SEL1L2: variants seen among roughly 807,000 people sequenced by gnomAD.
SEL1L2 encodes the protein protein sel-1 homolog 2.
Under a neutral mutation model 98.8 loss-of-function variants are expected in SEL1L2, and 89 were observed. The observed-to-expected ratio is 0.90, with a 90% CI of 0.76 to 1.07. The LOEUF (loss-of-function observed/expected upper bound fraction) is 1.07, where lower values mean the gene tolerates loss of function less well. Ranked by LOEUF, SEL1L2 falls within the 50% of genes least tolerant of loss-of-function variation. SEL1L2 has a pLI of 0.00. For missense variants in SEL1L2, 788 were observed against 812.0 expected (o/e 0.97, Z 0.36); for synonymous variants, 262 against 278.5 (o/e 0.94, Z 0.59).
intron 5 of SEL1L2, among the ~76,000 whole-genome samples, chr20:13,890,979 G>T (rs1393779223): frequency 1.3e-5 from 2 of 151,990 alleles, no homozygotes; most frequent in African/African-American, 4.8e-5. Context: ...AAAGAAAAAG[G>T]AATGAAGAAA....
chr20:13,955,971 A>T, intron 2 of SEL1L2, 105 bp downstream of exon 2: 1 of 671,924 alleles, frequency 1.5e-6, no homozygotes, highest in South Asian at 1.7e-5. Flanking sequence ...TTGAGAATTA[A>T]AAAAAAAAGA....
intron 1 of SEL1L2, 152 bp downstream of exon 1, chr20:13,990,325 T>G (rs2052479614): frequency 4.6e-6 from 3 of 647,170 alleles, no homozygotes; most frequent in Admixed American, 2.9e-5. Context: ...TCTATTATTC[T>G]TATTGGACAT....
chr20:13,949,648 G>A (rs550814968), intron 2 of SEL1L2, among the ~76,000 whole-genome samples: 2 of 151,800 alleles, frequency 1.3e-5, no homozygotes, highest in South Asian at 4.2e-4. Context: ...GGGCAACAGA[G>A]TGAGACTCTG....
chr20:13,986,708 A>G (rs1036672695), intron 1 of SEL1L2, among the ~76,000 whole-genome samples: 2 of 152,234 alleles, frequency 1.3e-5, no homozygotes, highest in African/African-American at 4.8e-5. Flanking sequence ...TAATGCTTCT[A>G]TAAATATTTG....
intron 17 of SEL1L2, among the ~76,000 whole-genome samples, chr20:13,860,130 C>A (rs185575232): frequency 5.3e-5 from 8 of 152,326 alleles, no homozygotes; most frequent in African/African-American, 1.9e-4. Context: ...TGCTCTCCTG[C>A]GTCAACAGTG....
intron 3 of SEL1L2, among the ~76,000 whole-genome samples, chr20:13,922,803 T>G (rs2048721971): frequency 6.6e-6 from 1 of 152,228 alleles, no homozygotes. Context: ...TTTCCTTTTA[T>G]TTTTCTAGAT....
chr20:13,885,480 A>G, intron 9 of SEL1L2, 77 bp from the exon 10 acceptor site: 7 of 954,608 alleles, frequency 7.3e-6, no homozygotes, highest in Non-Finnish European at 3.4e-6. Flanking sequence ...TGGTGATTTT[A>G]CTTTAGTATG....
At chr20:13,952,096 T>A (rs1044654096) in intron 2 of SEL1L2, among the ~76,000 whole-genome samples, 2 of 152,112 alleles carry the variant, frequency 1.3e-5, no homozygotes, top group African/African-American at 4.8e-5. Flanking sequence ...AGCCACCAGT[T>A]ATTTGGGCAT....
intron 18 of SEL1L2, among the ~76,000 whole-genome samples, chr20:13,853,835 A>G (rs1988709459): frequency 6.6e-6 from 1 of 152,216 alleles, no homozygotes; most frequent in South Asian, 2.1e-4. Context: ...ACAATAACGT[A>G]TATAACATGG....
At chr20:13,876,902 C>T (rs566368529) in intron 11 of SEL1L2, among the ~76,000 whole-genome samples, 36 of 152,228 alleles carry the variant, frequency 2.4e-4, no homozygotes, top group Non-Finnish European at 4.7e-4. Context: ...CAGCTCACTG[C>T]ACCCTCTGCC....
intron 10 of SEL1L2, among the ~76,000 whole-genome samples, chr20:13,883,141 G>C (rs1402341114): frequency 6.6e-6 from 1 of 151,980 alleles, no homozygotes; most frequent in African/African-American, 2.4e-5. Context: ...TAAAGTTTGA[G>C]ATTTCAACTG....
chr20:13,918,111 T>C (rs188229751), intron 4 of SEL1L2, among the ~76,000 whole-genome samples: 162 of 152,278 alleles, frequency 1.1e-3, no homozygotes, highest in South Asian at 9.5e-3. Context: ...CTTTCTATTA[T>C]TGGTTCAAAA....
rs568049752 is a variant in SEL1L2 at position 13,964,446 on chromosome 20, C to CTT, written c.59-8316_59-8315insAA. Among the ~76,000 whole-genome samples the CTT allele has an allele frequency of 7.5e-3, 789 of 105,290 alleles. 21 individuals are homozygous for CTT. Among genetic ancestry groups the CTT allele is most frequent in the Middle Eastern group, 0.019 (3 of 160 alleles). 69.1% of individuals were successfully genotyped at this position (105,290 alleles called of 152,430 possible). On this transcript the variant is annotated intron_variant, in intron 1 of 19. Coordinates refer to ENST00000284951, the MANE Select transcript of SEL1L2 (RefSeq NM_025229.2). ...TGTGCTCTGCTATCTGCTATCTCTT[C>CTT]ATTTTTTTTTTTTTTTTTTTTCTGA...
At chr20:13,916,673 G>A (rs2048416751) in intron 4 of SEL1L2, among the ~76,000 whole-genome samples, 2 of 152,154 alleles carry the variant, frequency 1.3e-5, no homozygotes, top group South Asian at 4.1e-4. Flanking sequence ...GGGTGTGGTG[G>A]TGGGCACCTG....
chr20:13,925,397 G>A (rs1188291581), intron 3 of SEL1L2, among the ~76,000 whole-genome samples: 1 of 152,160 alleles, frequency 6.6e-6, no homozygotes, highest in African/African-American at 2.4e-5. Flanking sequence ...ATCTGTATGA[G>A]GGTCAGGGCT....
At position 13,859,420 on chromosome 20, in the gene SEL1L2, T is replaced by C. The variant is rs752358728; in HGVS notation, c.1660A>G (p.Arg554Gly). ...RAAIQGNAFA[R>G]VKIGDYHYYG... Reference sequence around the variant, plus strand: ...TAATGGTAATCTCCAATTTTTACTCTAGCAAATGCATTGCCTGATAGAAAT... The same window carrying C: ...TAATGGTAATCTCCAATTTTTACTCCAGCAAATGCATTGCCTGATAGAAAT... The change falls in exon 18 of 20, where the codon AGA (arginine) becomes GGA (glycine). Residue 554 changes from arginine (R) to glycine (G), a missense_variant. By Grantham distance (125) the Arg-to-Gly change is moderately radical (BLOSUM62 -2). Coordinates refer to ENST00000284951, the MANE Select transcript of SEL1L2 (RefSeq NM_025229.2). The C allele has an allele frequency of 3.7e-6, 6 of 1,613,370 alleles. No individual in the cohort carries two copies. Among genetic ancestry groups the C allele is most frequent in the Non-Finnish European group, 5.1e-6 (6 of 1,179,368 alleles).
Position 13,865,526 on chromosome 20 carries a change from A to G in SEL1L2, c.1405-12T>C. ...ACACCTTTATAAAGCTGTACATGAG[A>G]GGAGAAATCAAGGAGACTAGTTAGC... On this transcript the variant is annotated splice_polypyrimidine_tract_variant and intron_variant, in intron 15 of 19. Transcript: ENST00000284951. 6.2e-7 allele frequency: 1 copy of G among 1,606,162 alleles called. No individual in the cohort carries two copies. The highest frequency in any genetic ancestry group is 8.5e-7 in the Non-Finnish European group (1 of 1,176,654).
intron 5 of SEL1L2, among the ~76,000 whole-genome samples, chr20:13,906,352 T>G (rs2047930769): frequency 6.6e-6 from 1 of 152,208 alleles, no homozygotes; most frequent in Non-Finnish European, 1.5e-5. Context: ...CTCCTTCTAC[T>G]TTTTATATAA....
At chr20:13,970,184 G>A (rs530138292) in intron 1 of SEL1L2, among the ~76,000 whole-genome samples, 2 of 152,222 alleles carry the variant, frequency 1.3e-5, no homozygotes, top group South Asian at 4.1e-4. Context: ...AGAAAACTTA[G>A]AGTCAAAGAA....
Sources: allele counts gnomAD v4.1 joint callset (sites outside exome capture counted in the v4.1 genomes callset), GRCh38; gene constraint gnomAD v4.1.1; transcripts MANE v1.5; gene names NCBI Gene and HGNC (gene_info 2026-07-23, HGNC 2026-07-21).